Variants in PIK3CD observed in about 807,000 individuals in gnomAD.
PIK3CD encodes phosphatidylinositol-4,5-bisphosphate 3-kinase catalytic subunit delta, also known as phosphatidylinositol 4,5-bisphosphate 3-kinase catalytic subunit delta isoform.
PIK3CD carries 20 observed loss-of-function variants against 122.9 expected under a neutral mutation model. The observed-to-expected ratio is 0.16, with a 90% CI of 0.11 to 0.24. The LOEUF is 0.24. PIK3CD is among the 10% of genes least tolerant of loss of function. The pLI is 1.00. For missense variants in PIK3CD, 787 were observed against 1,406.3 expected (o/e 0.56, Z 7.04); for synonymous variants, 596 against 593.4 (o/e 1.00, Z -0.06).
chr1:9,632,932 G>A, the PIK3CD span, among the ~76,000 whole-genome samples: 2 of 150,170 alleles, frequency 1.3e-5, no homozygotes, highest in South Asian at 4.2e-4. Context: ...TGCCATCTCG[G>A]CTCACTGCAA....
chr1:9,727,442 G>A lies in PIK3CD; in HGVS notation c.*396G>A, dbSNP rs1030956639. 16 of 406,386 alleles carry A rather than the reference G, an allele frequency of 3.9e-5. No individual in the cohort carries two copies. The highest frequency in any genetic ancestry group is 3.0e-4 in the African/African-American group (15 of 49,604). The allele number at this position is 406,386 out of a possible 1,614,324, so 25.2% of individuals were successfully genotyped here. A position where few individuals can be genotyped will look rare whatever the true frequency, so the allele number is the denominator to read the frequency against. Reference sequence around the variant, plus strand: ...GTCACCTGGTGCCTACTGTCCGACAGGATGCCTTGATCCTCGTGCGACCCA... The same window carrying A: ...GTCACCTGGTGCCTACTGTCCGACAAGATGCCTTGATCCTCGTGCGACCCA... On this transcript the variant is annotated 3_prime_UTR_variant, in exon 24 of 24. Transcript: ENST00000377346.
At position 9,722,663 on chromosome 1, in the gene PIK3CD, T is replaced by G; in HGVS notation, c.2426+57T>G. On this transcript the variant is annotated intron_variant, in intron 19 of 23. Transcript: ENST00000377346. The surrounding 1 kb of genome is among the most constrained non-coding windows in gnomAD (Gnocchi z 7.6). ...TGTCTGTGCCCAGCCTGGGAGTCTG[T>G]GCCCCTGGAGGGGTCCTTGTTGAAG... 1.4e-6 allele frequency: 2 copies of G among 1,441,556 alleles called. No homozygotes were observed. Among genetic ancestry groups the G allele is most frequent in the Non-Finnish European group, 2.0e-6 (2 of 1,024,088 alleles). 89.3% of individuals were successfully genotyped at this position (1,441,556 alleles called of 1,614,324 possible).
intron 1 of PIK3CD, among the ~76,000 whole-genome samples, chr1:9,667,922 T>TG (rs1444357674): frequency 6.8e-6 from 1 of 146,412 alleles, no homozygotes; most frequent in African/African-American, 2.5e-5. Context: ...TTTTTTTTTT[T>TG]TTTTTTTTTT....
chr1:9,715,600 C>CT lies in PIK3CD; in HGVS notation c.202dup (p.Tyr68LeufsTer24), dbSNP rs1319488447. ...TCCACATGCTCAGTGGCCCCGAGGC[C>CT]TATGTGTTCACCTGCATCAACCAGA... On this transcript the variant is annotated frameshift_variant, in exon 4 of 24. Coordinates refer to ENST00000377346, the MANE Select transcript of PIK3CD (RefSeq NM_005026.5). LOFTEE classifies it high-confidence loss of function. The surrounding 1 kb of genome is among the most constrained non-coding windows in gnomAD (Gnocchi z 4.1). The CT allele has an allele frequency of 6.2e-7, 1 of 1,613,874 alleles. No individual in the cohort carries two copies. The highest frequency in any genetic ancestry group is 1.7e-5 in the Admixed American group (1 of 60,032).
Position 9,715,883 on chromosome 1 carries a change from A to G in PIK3CD, c.405A>G (p.Glu135=). The change falls in exon 5 of 24, where the codon GAA becomes GAG. Residue 135 remains glutamate, a synonymous_variant. Transcript: ENST00000377346. The surrounding 1 kb of genome is among the most constrained non-coding windows in gnomAD (Gnocchi z 4.1). ...LHEFDSLCDP[E]VNDFRAKMCQ... Reference sequence around the variant, plus strand: ...AGTTTGACTCCTTGTGCGACCCAGAAGTGAACGACTTTCGCGCCAAGATGT... The same window carrying G: ...AGTTTGACTCCTTGTGCGACCCAGAGGTGAACGACTTTCGCGCCAAGATGT... 1 of 1,612,630 alleles carries G rather than the reference A, an allele frequency of 6.2e-7. No homozygotes were observed. Among genetic ancestry groups the G allele is most frequent in the Non-Finnish European group, 8.5e-7 (1 of 1,179,900 alleles).
chr1:9,728,996 G>C lies in PIK3CD; in HGVS notation c.*1950G>C, dbSNP rs1324649428. ...GAGTGTAGGTTTAAAACCAAAACAG[G>C]AGAGAAGACAAACCCCGCTCCGGCT... On this transcript the variant is annotated 3_prime_UTR_variant, in exon 24 of 24. Coordinates refer to ENST00000377346, the MANE Select transcript of PIK3CD (RefSeq NM_005026.5). 6.6e-6 allele frequency: 1 copy of C among 152,198 alleles called. No homozygotes were observed. The highest frequency in any genetic ancestry group is 2.1e-4 in the South Asian group (1 of 4,834). The allele number at this position is 152,198 out of a possible 1,614,324, so 9.4% of individuals were successfully genotyped here.
intron 1 of PIK3CD, among the ~76,000 whole-genome samples, chr1:9,669,901 C>G (rs956768978): frequency 6.6e-6 from 1 of 152,092 alleles, no homozygotes; most frequent in Admixed American, 6.6e-5. Flanking sequence ...TTGCCAGGCG[C>G]GGTGGCTCAC....
At chr1:9,636,885 TTTTTC>T in the PIK3CD span, among the ~76,000 whole-genome samples, 167 of 150,100 alleles carry the variant, frequency 1.1e-3, 1 homozygote, top group Non-Finnish European at 8.1e-4. Context: ...TGGTTTCTTT[TTTTTC>T]TTTTCTTTTC....
At chr1:9,662,552 C>T (rs113910879) in intron 1 of PIK3CD, 3,525 of 152,734 alleles carry the variant, frequency 0.023, 63 homozygotes, top group Non-Finnish European at 0.033. Flanking sequence ...TCTCTTCCTG[C>T]GAATATGGGA....
chr1:9,657,997 G>A (rs999843162), intron 1 of PIK3CD, among the ~76,000 whole-genome samples: 8 of 152,154 alleles, frequency 5.3e-5, no homozygotes, highest in African/African-American at 1.9e-4. Flanking sequence ...CACAGTGGGG[G>A]CATTGCTCTT....
At chr1:9,627,860 G>A in the PIK3CD span, among the ~76,000 whole-genome samples, 8 of 152,178 alleles carry the variant, frequency 5.3e-5, no homozygotes, top group African/African-American at 1.9e-4. Flanking sequence ...TTCTAGTTCC[G>A]CAGCCCCGCA....
chr1:9,655,255 G>A (rs1358668636), intron 1 of PIK3CD, among the ~76,000 whole-genome samples: 2 of 151,906 alleles, frequency 1.3e-5, no homozygotes, highest in Non-Finnish European at 2.9e-5. Flanking sequence ...TTGAAAGGGA[G>A]GAAAATATTG....
chr1:9,721,730 G>A (rs775755578), intron 15 of PIK3CD, 31 bp from the exon 16 acceptor site: 3 of 1,609,928 alleles, frequency 1.9e-6, no homozygotes, highest in Non-Finnish European at 2.5e-6. Flanking sequence ...GGTGCTGCCT[G>A]GTGAGGCTCA....
At chr1:9,662,895 G>T (rs539658281) in intron 1 of PIK3CD, among the ~76,000 whole-genome samples, 1 of 151,936 alleles carries the variant, frequency 6.6e-6, no homozygotes, top group Non-Finnish European at 1.5e-5. Flanking sequence ...CACCATGTTG[G>T]CCAGGCTGAT....
intron 1 of PIK3CD, among the ~76,000 whole-genome samples, chr1:9,688,526 A>G (rs1466771825): frequency 6.6e-6 from 1 of 152,202 alleles, no homozygotes; most frequent in East Asian, 1.9e-4. Context: ...GGAGAACAAC[A>G]TCTATCTTAC....
intron 2 of PIK3CD, among the ~76,000 whole-genome samples, chr1:9,701,574 C>T (rs1225089399): frequency 2.0e-5 from 3 of 148,650 alleles, no homozygotes; most frequent in Non-Finnish European, 4.4e-5. Context: ...GAGGCTGAGG[C>T]AGGAGAATTG....
In PIK3CD at chr1:9,715,156, G is replaced by A. The variant is rs1216896551; in HGVS notation, c.142-385G>A. Among the ~76,000 whole-genome samples the A allele has an allele frequency of 6.6e-6, 1 of 152,088 alleles. No individual in the cohort carries two copies. The highest frequency in any genetic ancestry group is 1.5e-5 in the Non-Finnish European group (1 of 68,018). On this transcript the variant is annotated intron_variant, in intron 3 of 23. Transcript: ENST00000377346. The surrounding 1 kb of genome is among the most constrained non-coding windows in gnomAD (Gnocchi z 4.1). ...TGCGCCACTGCACTCCAACCTGGGC[G>A]ACAGAGTGGGACTCCATCTCAAAAA...
At position 9,696,323 on chromosome 1, in the gene PIK3CD, C is replaced by T. The variant is rs552894772; in HGVS notation, c.-33+4752C>T. ...GTTAAAATTTGACAGTGGGGTGGCT[C>T]GTGCCTGTAATCCCAACACTTTGGA... On this transcript the variant is annotated intron_variant, in intron 2 of 23. Transcript: ENST00000377346. Among the ~76,000 whole-genome samples, 173 of 152,072 alleles carry T rather than the reference C, an allele frequency of 1.1e-3. 1 individual carries two copies. Among genetic ancestry groups the T allele is most frequent in the South Asian group, 8.5e-3 (41 of 4,818 alleles).
In PIK3CD at chr1:9,715,771, T is replaced by G. The variant is rs1284187031; in HGVS notation, c.370+2T>G. The G allele has an allele frequency of 6.2e-7, 1 of 1,612,918 alleles. No individual in the cohort carries two copies. The highest frequency in any genetic ancestry group is 8.5e-7 in the Non-Finnish European group (1 of 1,179,932). Reference sequence around the variant, plus strand: ...AGATCAGCCTCCTCATCGGCAAAGGTAGCTCTGCCGAGTGGGCCGTGTGGC... The same window carrying G: ...AGATCAGCCTCCTCATCGGCAAAGGGAGCTCTGCCGAGTGGGCCGTGTGGC... On this transcript the variant is annotated splice_donor_variant, in intron 4 of 23. Transcript: ENST00000377346. LOFTEE classifies it high-confidence loss of function. This position sits in a 1 kb window ranked among gnomAD's most constrained non-coding sequence, Gnocchi z 4.1.
Sources: allele counts gnomAD v4.1 joint callset (sites outside exome capture counted in the v4.1 genomes callset), GRCh38; gene constraint gnomAD v4.1.1; non-coding constraint Gnocchi (gnomAD v3.1); transcripts MANE v1.5; gene names NCBI Gene and HGNC (gene_info 2026-07-23, HGNC 2026-07-21).